The following ASB7 variants were observed in gnomAD, a reference collection of about 807,000 sequenced individuals.
The protein encoded by ASB7 is ankyrin repeat and SOCS box protein 7.
ASB7 carries 4 observed loss-of-function variants against 32.5 expected under a neutral mutation model. The ratio of observed to expected loss-of-function variants is 0.12; its 90% confidence interval spans 0.06 to 0.28. The LOEUF is 0.28. Ranked by LOEUF, ASB7 falls within the 10% of genes least tolerant of loss-of-function variation. The pLI is 1.00. For missense variants in ASB7, 181 were observed against 407.1 expected (o/e 0.44, Z 4.78); for synonymous variants, 172 against 155.6 (o/e 1.11, Z -0.78).
At chr15:100,628,680 T>C (rs1339124724) in intron 4 of ASB7, among the ~76,000 whole-genome samples, 1 of 152,250 alleles carries the variant, frequency 6.6e-6, no homozygotes, top group African/African-American at 2.4e-5. Flanking sequence ...TTGAGTCACA[T>C]AGCAGATAAA....
Position 100,629,465 on chromosome 15 carries a change from A to T in ASB7, c.240A>T (p.Gly80=). 1.2e-6 allele frequency: 2 copies of T among 1,613,286 alleles called. No homozygotes were observed. The highest frequency in any genetic ancestry group is 1.1e-5 in the South Asian group (1 of 91,056). The change falls in exon 5 of 6, where the codon GGA becomes GGT. Residue 80 remains glycine (G), a synonymous_variant. Coordinates refer to ENST00000332783, the MANE Select transcript of ASB7 (RefSeq NM_198243.3). This position sits in a 1 kb window ranked among gnomAD's most constrained non-coding sequence, Gnocchi z 6.8. Reference sequence around the variant, plus strand: ...ATCCTACAGTTAAAGACTTAATCGGAGGCTTCACGGCTCTTCACTATGCAG... The same window carrying T: ...ATCCTACAGTTAAAGACTTAATCGGTGGCTTCACGGCTCTTCACTATGCAG... ...GADPTVKDLI[G]GFTALHYAAM...
intron 4 of ASB7, among the ~76,000 whole-genome samples, chr15:100,618,849 C>A (rs1198481825): frequency 6.6e-6 from 1 of 152,068 alleles, no homozygotes; most frequent in African/African-American, 2.4e-5. Flanking sequence ...GGAGTTATAG[C>A]CAACATTTAT....
chr15:100,618,553 TAAGA>T (rs2039764109), intron 4 of ASB7, among the ~76,000 whole-genome samples: 1 of 152,146 alleles, frequency 6.6e-6, no homozygotes, highest in East Asian at 1.9e-4. Flanking sequence ...GACTAACTCA[TAAGA>T]AACAAGACTT....
intron 5 of ASB7, among the ~76,000 whole-genome samples, chr15:100,638,798 G>C (rs999006406): frequency 2.0e-5 from 3 of 152,074 alleles, no homozygotes; most frequent in African/African-American, 7.2e-5. Context: ...AGGTTTTAAG[G>C]CCCGCATGCA....
chr15:100,636,482 A>C (rs1565750), intron 5 of ASB7, among the ~76,000 whole-genome samples: 146,428 of 152,268 alleles, frequency 0.96, 70,684 homozygotes, highest in East Asian at 1. Context: ...AAGATCCCCC[A>C]ACTGTGCCTG....
intron 3 of ASB7, among the ~76,000 whole-genome samples, chr15:100,610,264 G>A (rs2039683220): frequency 1.3e-5 from 2 of 152,120 alleles, no homozygotes; most frequent in South Asian, 4.1e-4. Context: ...GGAGGCCGAG[G>A]CTGGTGGATC....
intron 5 of ASB7, among the ~76,000 whole-genome samples, chr15:100,633,679 G>T (rs1477603711): frequency 6.6e-6 from 1 of 151,058 alleles, no homozygotes; most frequent in Non-Finnish European, 1.5e-5. Context: ...GAGGAAGGAA[G>T]GAAGGAGGGG....
At chr15:100,631,467 G>A (rs1398674071) in intron 5 of ASB7, among the ~76,000 whole-genome samples, 1 of 152,204 alleles carries the variant, frequency 6.6e-6, no homozygotes, top group African/African-American at 2.4e-5. Flanking sequence ...CGCCACAGTT[G>A]GGAGACGTGA....
At chr15:100,626,375 A>G (rs1312628127) in intron 4 of ASB7, among the ~76,000 whole-genome samples, 1 of 152,200 alleles carries the variant, frequency 6.6e-6, no homozygotes, top group Admixed American at 6.5e-5. Flanking sequence ...ACTAGTTATT[A>G]GGGAAATAGA....
Position 100,648,556 on chromosome 15 carries a change from T to G in ASB7, c.*94T>G. ...AAGTATATCCTATGCAATTTCTGAT[T>G]TGCTGTGAAATCAGAAAGCAGGTAT... On this transcript the variant is annotated 3_prime_UTR_variant, in exon 6 of 6. Coordinates refer to ENST00000332783, the MANE Select transcript of ASB7 (RefSeq NM_198243.3). 9.1e-7 allele frequency: 1 copy of G among 1,104,924 alleles called. No individual in the cohort carries two copies. Among genetic ancestry groups the G allele is most frequent in the African/African-American group, 1.6e-5 (1 of 61,234 alleles). The allele number at this position is 1,104,924 out of a possible 1,614,324, so 68.4% of individuals were successfully genotyped here. A position where few individuals can be genotyped will look rare whatever the true frequency, so the allele number is the denominator to read the frequency against.
At position 100,602,597 on chromosome 15, in the gene ASB7, CA is replaced by C. The variant is rs2039552546; in HGVS notation, c.-719del. 1.1e-5 allele frequency: 2 copies of C among 178,664 alleles called. No individual in the cohort carries two copies. The allele number at this position is 178,664 out of a possible 1,614,324, so 11.1% of individuals were successfully genotyped here. A position where few individuals can be genotyped will look rare whatever the true frequency, so the allele number is the denominator to read the frequency against. On this transcript the variant is annotated 5_prime_UTR_variant, in exon 1 of 6. Transcript: ENST00000332783. ...AGGCTTGGTCCCATCCCAGTGACCC[CA>C]AAGTGCTGAAGGGAGGGGGCGGGGG...
At chr15:100,606,247 T>G (rs1369655693) in intron 2 of ASB7, among the ~76,000 whole-genome samples, 1 of 152,236 alleles carries the variant, frequency 6.6e-6, no homozygotes, top group Admixed American at 6.5e-5. Context: ...TTTATTTTCT[T>G]ACCAGCATGT....
intron 4 of ASB7, among the ~76,000 whole-genome samples, chr15:100,618,936 C>G (rs1246881750): frequency 6.6e-6 from 1 of 152,174 alleles, no homozygotes; most frequent in Admixed American, 6.5e-5. Flanking sequence ...ATTAAAAATT[C>G]TAAGCTACGG....
At chr15:100,642,450 A>G (rs936883600) in intron 5 of ASB7, among the ~76,000 whole-genome samples, 4 of 152,210 alleles carry the variant, frequency 2.6e-5, no homozygotes, top group Non-Finnish European at 5.9e-5. Context: ...TTACATACAT[A>G]CAAGGCTTCC....
chr15:100,618,553 T>C (rs987080497), intron 4 of ASB7, among the ~76,000 whole-genome samples: 3 of 152,146 alleles, frequency 2.0e-5, no homozygotes, highest in African/African-American at 7.2e-5. Flanking sequence ...GACTAACTCA[T>C]AAGAAACAAG....
Position 100,648,369 on chromosome 15 carries a change from A to G in ASB7, c.864A>G (p.Gln288=), listed in dbSNP as rs775033832. 3 of 1,611,268 alleles carry G rather than the reference A, an allele frequency of 1.9e-6. No individual in the cohort carries two copies. Among genetic ancestry groups the G allele is most frequent in the Non-Finnish European group, 2.5e-6 (3 of 1,178,318 alleles). The change falls in exon 6 of 6, where the codon CAA becomes CAG. Residue 288 remains glutamine (Q), a synonymous_variant. Coordinates refer to ENST00000332783, the MANE Select transcript of ASB7 (RefSeq NM_198243.3). ...LQDLCRIKIR[Q]CIGLQNLKLL... ...ACCTGTGCCGAATTAAAATTCGACA[A>G]TGTATAGGCCTTCAAAACCTAAAGC...
At chr15:100,604,133 T>C (rs549839408) in intron 2 of ASB7, among the ~76,000 whole-genome samples, 26 of 152,234 alleles carry the variant, frequency 1.7e-4, no homozygotes, top group Admixed American at 1.3e-3. Flanking sequence ...CATATCTGGG[T>C]CTTAATTTTA....
At chr15:100,625,655 A>T (rs908754362) in intron 4 of ASB7, among the ~76,000 whole-genome samples, 4 of 152,178 alleles carry the variant, frequency 2.6e-5, no homozygotes, top group African/African-American at 9.6e-5. Context: ...TGGCGTTCTA[A>T]TCAGAATTCC....
chr15:100,620,500 GT>G (rs2039781546), intron 4 of ASB7, among the ~76,000 whole-genome samples: 1 of 152,018 alleles, frequency 6.6e-6, no homozygotes, highest in Admixed American at 6.5e-5. Flanking sequence ...AATACTTGAG[GT>G]TTTAAGCACA....
Sources: gnomAD v4.1 joint callset for allele counts (sites outside exome capture counted in the v4.1 genomes callset) on GRCh38, gnomAD v4.1.1 for gene constraint, Gnocchi (gnomAD v3.1) non-coding constraint, MANE v1.5 for transcripts, NCBI Gene and HGNC (gene_info 2026-07-23, HGNC 2026-07-21) for gene names.